HLA-DQB2: variants seen among roughly 807,000 people sequenced by gnomAD.
HLA-DQB2 encodes the protein major histocompatibility complex, class II, DQ beta 2, also known as HLA class II histocompatibility antigen, DQ beta 2 chain.
In HLA-DQB2, 24 loss-of-function variants were observed where a neutral mutation model predicts 29.2. The ratio of observed to expected loss-of-function variants is 0.82; its 90% CI spans 0.60 to 1.16. The LOEUF (loss-of-function observed/expected upper bound fraction) is 1.16. Ranked by LOEUF, HLA-DQB2 falls within the 50% of genes most tolerant of loss-of-function variation. The pLI, the probability that HLA-DQB2 is intolerant of heterozygous loss-of-function variation, is 0.00. For missense variants in HLA-DQB2, 273 were observed against 343.6 expected (o/e 0.79, Z 1.62); for synonymous variants, 104 against 133.1 (o/e 0.78, Z 1.51).
At chr6:32,757,628 T>A in intron 4 of HLA-DQB2, 145 bp downstream of exon 4, 1 of 737,212 alleles carries the variant, frequency 1.4e-6, no homozygotes. Flanking sequence ...AAAATCAGAT[T>A]CCAATGCCTC....
Position 32,756,301 on chromosome 6 carries a change from G to C in HLA-DQB2, c.*152C>G, listed in dbSNP as rs1764258205. 1.5e-6 allele frequency: 1 copy of C among 661,226 alleles called. No homozygotes were observed. The allele number at this position is 661,226 out of a possible 1,614,324, so 41.0% of individuals were successfully genotyped here. ...GAGTCACCACCAGTGCCTTGGGATG[G>C]GGATCACAGAAGGTGACCTGTGGCT... On this transcript the variant is annotated 3_prime_UTR_variant, in exon 6 of 6. Coordinates refer to ENST00000437316, the MANE Select transcript of HLA-DQB2 (RefSeq NM_001300790.2).
At chr6:32,760,249 A>T (rs1764663352) in intron 2 of HLA-DQB2, among the ~76,000 whole-genome samples, 1 of 151,244 alleles carries the variant, frequency 6.6e-6, no homozygotes, top group Non-Finnish European at 1.5e-5. Context: ...TGAAAGTATC[A>T]TTTTGTCCCA....
intron 2 of HLA-DQB2, among the ~76,000 whole-genome samples, chr6:32,759,801 C>T (rs574067690): frequency 0.094 from 11,571 of 123,188 alleles, no homozygotes; most frequent in South Asian, 0.11. Context: ...TTCTGAGATC[C>T]ATGCAGAGGT....
chr6:32,759,234 T>C, intron 2 of HLA-DQB2, 103 bp from the exon 3 acceptor site: 1 of 1,376,870 alleles, frequency 7.3e-7, no homozygotes, highest in Non-Finnish European at 9.8e-7. Flanking sequence ...AATAGAAAGA[T>C]ACCTGGAGTC....
chr6:32,757,224 C>G, intron 5 of HLA-DQB2, 57 bp downstream of exon 5: 1 of 1,549,616 alleles, frequency 6.5e-7, no homozygotes, highest in South Asian at 1.2e-5. Context: ...TTCACCATGG[C>G]TCTTCCCTCT....
At chr6:32,760,026 C>T (rs1370586756) in intron 2 of HLA-DQB2, among the ~76,000 whole-genome samples, 1 of 152,036 alleles carries the variant, frequency 6.6e-6, no homozygotes, top group Non-Finnish European at 1.5e-5. Flanking sequence ...ATTTGTTCAT[C>T]TTAAAAAGAC....
intron 1 of HLA-DQB2, among the ~76,000 whole-genome samples, chr6:32,762,257 TC>T (rs1764917141): frequency 6.6e-6 from 1 of 152,164 alleles, no homozygotes; most frequent in South Asian, 2.1e-4. Flanking sequence ...TGCTCTTAGA[TC>T]AGGGCGTTCT....
chr6:32,761,780 C>T lies in HLA-DQB2; in HGVS notation c.244G>A (p.Gly82Arg), dbSNP rs1335655502. Residue 82 changes from glycine to arginine, a missense_variant, in exon 2 of 6, where the codon GGG (glycine) becomes AGG (arginine). By Grantham distance (125) the Gly-to-Arg change is moderately radical. Transcript: ENST00000437316. Reference sequence around the variant, plus strand: ...TTGTTCCAGTCCTCGATGCTCCGCCCCAGCTCGGTCACCGCCTGGAACTCC... The same window carrying T: ...TTGTTCCAGTCCTCGATGCTCCGCCTCAGCTCGGTCACCGCCTGGAACTCC... ...VGEFQAVTEL[G>R]RSIEDWNNYK... is the part of the protein sequence containing the mutation. 1.9e-6 allele frequency: 3 copies of T among 1,584,012 alleles called. No individual in the cohort carries two copies. Among genetic ancestry groups the T allele is most frequent in the African/African-American group, 2.7e-5 (2 of 74,042 alleles).
At position 32,757,764 on chromosome 6, in the gene HLA-DQB2, G is replaced by A; in HGVS notation, c.757+9C>T. The A allele has an allele frequency of 6.2e-7, 1 of 1,606,294 alleles. No individual in the cohort carries two copies. The highest frequency in any genetic ancestry group is 8.5e-7 in the Non-Finnish European group (1 of 1,176,094). Reference sequence around the variant, plus strand: ...CTCATCTTCCCCATTTCCCCCTTGGGTTCCTCACCTTTCTGACCCCTGTGA... The same window carrying A: ...CTCATCTTCCCCATTTCCCCCTTGGATTCCTCACCTTTCTGACCCCTGTGA... On this transcript the variant is annotated intron_variant, in intron 4 of 5. Coordinates refer to ENST00000437316, the MANE Select transcript of HLA-DQB2 (RefSeq NM_001300790.2).
At chr6:32,762,587 A>C (rs1764950166) in intron 1 of HLA-DQB2, among the ~76,000 whole-genome samples, 1 of 133,256 alleles carries the variant, frequency 7.5e-6, no homozygotes, top group Non-Finnish European at 1.7e-5. Flanking sequence ...ATAGGGTCCA[A>C]TTAAACTGAG....
intron 1 of HLA-DQB2, 107 bp downstream of exon 1, chr6:32,763,267 A>G: frequency 1.5e-6 from 1 of 655,256 alleles, no homozygotes; most frequent in Non-Finnish European, 2.7e-6. Flanking sequence ...AAATGGTGAT[A>G]AAAGACTGTG....
chr6:32,763,489 G>C lies in HLA-DQB2; in HGVS notation c.-19C>G, dbSNP rs1765033933. On this transcript the variant is annotated 5_prime_UTR_variant, in exon 1 of 6. Coordinates refer to ENST00000437316, the MANE Select transcript of HLA-DQB2 (RefSeq NM_001300790.2). Reference sequence around the variant, plus strand: ...GAGCCATCTTCCAAGACGTAAGTGAGACCAAGGAAAAAGCAGTGGTAGTCA... The same window carrying C: ...GAGCCATCTTCCAAGACGTAAGTGACACCAAGGAAAAAGCAGTGGTAGTCA... 2.0e-6 allele frequency: 3 copies of C among 1,517,588 alleles called. No individual in the cohort carries two copies. In the African/African-American group the frequency reaches 4.1e-5, roughly 21 times the overall value. The allele number at this position is 1,517,588 out of a possible 1,614,324, so 94.0% of individuals were successfully genotyped here. A position where few individuals can be genotyped will look rare whatever the true frequency, so the allele number is the denominator to read the frequency against.
intron 5 of HLA-DQB2, 23 bp from the exon 6 acceptor site, chr6:32,756,489 G>GATCA: frequency 6.4e-7 from 1 of 1,568,764 alleles, no homozygotes; most frequent in Non-Finnish European, 8.7e-7. Context: ...GACGAGGCAT[G>GATCA]ATCAGCACAG....
In HLA-DQB2 at chr6:32,759,207, TC is replaced by T; in HGVS notation, c.365-77del. 5 of 1,516,224 alleles carry T rather than the reference TC, an allele frequency of 3.3e-6. No individual in the cohort carries two copies. The South Asian group carries it at 6.4e-5, about 19-fold the overall frequency. 93.9% of individuals were successfully genotyped at this position (1,516,224 alleles called of 1,614,324 possible). A position where few individuals can be genotyped will look rare whatever the true frequency, so the allele number is the denominator to read the frequency against. On this transcript the variant is annotated intron_variant, in intron 2 of 5. Transcript: ENST00000437316. ...CACAGCACGCCTGCTGTGAGGAAGG[TC>T]CCTCCTTGGAACCAGAATAGAAAGA...
intron 5 of HLA-DQB2, 31 bp downstream of exon 5, chr6:32,757,250 T>A (rs1226496021): frequency 6.5e-7 from 1 of 1,550,162 alleles, no homozygotes; most frequent in African/African-American, 1.4e-5. Context: ...CTGTGCCCTC[T>A]CCCCTGACTG....
At chr6:32,762,032 G>A (rs929140321) in intron 1 of HLA-DQB2, 106 bp from the exon 2 acceptor site, 10 of 1,439,258 alleles carry the variant, frequency 6.9e-6, no homozygotes, top group Admixed American at 6.9e-5. Context: ...CAGCAGCTGC[G>A]AAACCCGTCC....
chr6:32,761,941 G>A lies in HLA-DQB2; in HGVS notation c.98-15C>T. 3.1e-6 allele frequency: 5 copies of A among 1,587,644 alleles called. No individual in the cohort carries two copies. Among genetic ancestry groups the A allele is most frequent in the Non-Finnish European group, 4.3e-6 (5 of 1,167,020 alleles). ...CAAGAAATCCTCTGCGGAGAATCACGGCGGGTCAGTCAGGCCCCAGCACGG... is the reference window on the plus strand; with the variant it reads ...CAAGAAATCCTCTGCGGAGAATCACAGCGGGTCAGTCAGGCCCCAGCACGG... On this transcript the variant is annotated splice_polypyrimidine_tract_variant and intron_variant, in intron 1 of 5. Transcript: ENST00000437316.
At position 32,763,443 on chromosome 6, in the gene HLA-DQB2, A is replaced by C. The variant is rs201573322; in HGVS notation, c.28T>G (p.Trp10Gly). The change falls in exon 1 of 6, where the codon TGG becomes GGG. Residue 10 changes from tryptophan to glycine, a missense_variant. Physicochemically the swap from Trp to Gly is radical, Grantham distance 184 (BLOSUM62 -2). Coordinates refer to ENST00000437316, the MANE Select transcript of HLA-DQB2 (RefSeq NM_001300790.2). ...AGCATCACGGTCACAGCTGCTGCCC[A>C]AAAGCCTCCAGGGATCTGCAGAGCC... Reference protein sequence around the residue: MALQIPGGFWAAAVTVMLVM... With the variant: MALQIPGGFGAAAVTVMLVM... 10 of 1,557,668 alleles carry C rather than the reference A, an allele frequency of 6.4e-6. No individual in the cohort carries two copies. In the South Asian group the frequency reaches 1.2e-4, roughly 18 times the overall value.
At position 32,763,516 on chromosome 6, in the gene HLA-DQB2, C is replaced by A. The variant is rs1257614676; in HGVS notation, c.-46G>T. Reference sequence around the variant, plus strand: ...CCAAGGAAAAAGCAGTGGTAGTCAACACAGCTCAAACCTAATGGATCTTAT... The same window carrying A: ...CCAAGGAAAAAGCAGTGGTAGTCAAAACAGCTCAAACCTAATGGATCTTAT... On this transcript the variant is annotated 5_prime_UTR_variant, in exon 1 of 6. Transcript: ENST00000437316. 2.5e-5 allele frequency: 32 copies of A among 1,259,346 alleles called. No individual in the cohort carries two copies. The highest frequency in any genetic ancestry group is 2.3e-6 in the Non-Finnish European group (2 of 879,990). 78.0% of individuals were successfully genotyped at this position (1,259,346 alleles called of 1,614,324 possible). A position where few individuals can be genotyped will look rare whatever the true frequency, so the allele number is the denominator to read the frequency against.
Sources: gnomAD v4.1 joint callset for allele counts (sites outside exome capture counted in the v4.1 genomes callset) on GRCh38, gnomAD v4.1.1 for gene constraint, MANE v1.5 for transcripts, NCBI Gene and HGNC (gene_info 2026-07-23, HGNC 2026-07-21) for gene names.